CNTN3: variants seen among roughly 807,000 people sequenced by gnomAD.
CNTN3 encodes contactin 3.
A neutral mutation model predicts 119.1 loss-of-function variants in CNTN3; 60 were observed. That is an observed-to-expected ratio of 0.50 (90% CI 0.41 to 0.62). CNTN3 has a LOEUF of 0.62. Among genes scored for constraint, CNTN3 ranks in the 20% least tolerant of loss-of-function variants. CNTN3 has a pLI of 0.00. For synonymous variants in CNTN3, 450 were observed against 438.7 expected, an observed-to-expected ratio of 1.03 and a Z score of -0.32; for missense variants, 1,101 against 1,242.4, an observed-to-expected ratio of 0.89 and a Z score of 1.71.
chr3:74,388,492 A>C (rs986938629), intron 5 of CNTN3, among the ~76,000 whole-genome samples: 1 of 152,152 alleles, frequency 6.6e-6, no homozygotes, highest in Admixed American at 6.5e-5. Context: ...AAAAGGAAAA[A>C]CACAAACATA....
At chr3:74,417,725 ATATTTTAT>A (rs1188278807) in intron 5 of CNTN3, among the ~76,000 whole-genome samples, 5 of 152,212 alleles carry the variant, frequency 3.3e-5, no homozygotes, top group African/African-American at 1.2e-4. Flanking sequence ...AGAGATCAAA[ATATTTTAT>A]AGTTATCCAT....
intron 1 of CNTN3, among the ~76,000 whole-genome samples, chr3:74,567,096 C>T (rs1704237788): frequency 6.6e-6 from 1 of 152,010 alleles, no homozygotes; most frequent in Admixed American, 6.6e-5. Context: ...CAAGGGGCCA[C>T]ATAATGCGTC....
chr3:74,341,424 C>A, intron 11 of CNTN3, among the ~76,000 whole-genome samples: 1 of 152,086 alleles, frequency 6.6e-6, no homozygotes, highest in Admixed American at 6.5e-5. Context: ...TGTCTTGGCA[C>A]AAAACGTTAA....
intron 5 of CNTN3, among the ~76,000 whole-genome samples, chr3:74,388,169 T>C (rs1704803893): frequency 1.3e-5 from 2 of 152,124 alleles, no homozygotes; most frequent in African/African-American, 4.8e-5. Context: ...ATCATCCTAG[T>C]GTTTCTCAAA....
At chr3:74,289,590 A>G (rs1023027535) in intron 19 of CNTN3, among the ~76,000 whole-genome samples, 1 of 152,116 alleles carries the variant, frequency 6.6e-6, no homozygotes, top group Non-Finnish European at 1.5e-5. Flanking sequence ...AAAGCCCAAT[A>G]TTCAAAACAG....
intron 5 of CNTN3, among the ~76,000 whole-genome samples, chr3:74,387,714 C>T (rs950410582): frequency 2.5e-4 from 38 of 152,208 alleles, no homozygotes; most frequent in African/African-American, 8.9e-4. Flanking sequence ...GGAAATATCT[C>T]ATCACCTCCC....
At chr3:74,358,875 C>A (rs1011255944) in intron 11 of CNTN3, among the ~76,000 whole-genome samples, 1 of 149,380 alleles carries the variant, frequency 6.7e-6, no homozygotes, top group South Asian at 2.1e-4. Flanking sequence ...GTTTTTTGTT[C>A]TTGCGATAGT....
intron 20 of CNTN3, 40 bp downstream of exon 20, chr3:74,285,258 ATGCAAAC>A (rs1444341622): frequency 1.3e-6 from 2 of 1,530,318 alleles, no homozygotes; most frequent in Non-Finnish European, 1.8e-6. Context: ...ATCCTTTTTA[ATGCAAAC>A]TATTTTCCGT....
Position 74,424,474 on chromosome 3 carries a change from C to CAG in CNTN3, c.454+369_454+370dup, listed in dbSNP as rs71625974. ...TAAGCTTGTGTGTGTGTGTGTGTGA[C>CAG]AGAGAGAGAGAGAGAGAGAGAGAAA... On this transcript the variant is annotated intron_variant, in intron 5 of 22. Transcript: ENST00000263665. Among the ~76,000 whole-genome samples, 959 of 142,430 alleles carry CAG rather than the reference C, an allele frequency of 6.7e-3. 5 individuals carry two copies. The highest frequency in any genetic ancestry group is 0.02 in the African/African-American group (765 of 39,128). 93.4% of individuals were successfully genotyped at this position (142,430 alleles called of 152,430 possible). A position where few individuals can be genotyped will look rare whatever the true frequency, so the allele number is the denominator to read the frequency against.
intron 4 of CNTN3, among the ~76,000 whole-genome samples, chr3:74,456,988 A>G (rs941392960): frequency 2.0e-5 from 3 of 152,090 alleles, no homozygotes; most frequent in South Asian, 4.1e-4. Context: ...TAAACACAAA[A>G]TTCTAAAAGT....
rs1447686332 is a variant in CNTN3 at position 74,366,780 on chromosome 3, G to GTGTGTGTA, written c.947-1079_947-1078insTACACACA. Among the ~76,000 whole-genome samples, 18 of 63,704 alleles carry GTGTGTGTA rather than the reference G, an allele frequency of 2.8e-4. 1 individual carries two copies. Among genetic ancestry groups the GTGTGTGTA allele is most frequent in the Admixed American group, 1.5e-3 (8 of 5,270 alleles). The allele number at this position is 63,704 out of a possible 152,430, so 41.8% of individuals were successfully genotyped here. ...TGTGCGTGTGTGTGTGTGTGTGTGT[G>GTGTGTGTA]TATATATATATATATATATATATAT... On this transcript the variant is annotated intron_variant, in intron 8 of 22. Transcript: ENST00000263665.
At chr3:74,432,826 C>T (rs964913644) in intron 4 of CNTN3, among the ~76,000 whole-genome samples, 1 of 152,132 alleles carries the variant, frequency 6.6e-6, no homozygotes, top group Non-Finnish European at 1.5e-5. Context: ...TCTTGCTGGT[C>T]CAATTCTCAA....
At position 74,598,199 on chromosome 3, in the gene CNTN3, C is replaced by G. The variant is rs563518306; in HGVS notation, c.-81+16192G>C. On this transcript the variant is annotated intron_variant, in intron 1 of 22. Transcript: ENST00000263665. Reference sequence around the variant, plus strand: ...CCCAGACTTAGACTTAAGAGATTTTCCAGCTTCCACCTTCCCTCTCTTGGA... The same window carrying G: ...CCCAGACTTAGACTTAAGAGATTTTGCAGCTTCCACCTTCCCTCTCTTGGA... Among the ~76,000 whole-genome samples, 15 of 152,100 alleles carry G rather than the reference C, an allele frequency of 9.9e-5. No homozygotes were observed. The Middle Eastern group carries it at 0.01, about 103-fold the overall frequency.
chr3:74,557,660 G>A (rs775940558), intron 1 of CNTN3, among the ~76,000 whole-genome samples: 1 of 148,036 alleles, frequency 6.8e-6, no homozygotes. Flanking sequence ...AGCCAGACAC[G>A]ATTAAGTTTT....
intron 20 of CNTN3, among the ~76,000 whole-genome samples, chr3:74,273,990 G>A (rs1417068502): frequency 6.6e-6 from 1 of 152,074 alleles, no homozygotes; most frequent in Non-Finnish European, 1.5e-5. Context: ...GAGTGAGACT[G>A]GCCCTTTGGA....
At chr3:74,336,791 T>C in intron 11 of CNTN3, 133 bp from the exon 12 acceptor site, 1 of 608,278 alleles carries the variant, frequency 1.6e-6, no homozygotes, top group Non-Finnish European at 2.6e-6. Flanking sequence ...CTTAGCTTTT[T>C]GGGAATACAA....
chr3:74,414,892 T>G (rs1701495274), intron 5 of CNTN3, among the ~76,000 whole-genome samples: 1 of 149,472 alleles, frequency 6.7e-6, no homozygotes, highest in South Asian at 2.1e-4. Flanking sequence ...TTTTTTTTTT[T>G]TTTTTGACCA....
At chr3:74,269,471 A>G (rs1471472254) in intron 20 of CNTN3, among the ~76,000 whole-genome samples, 1 of 152,152 alleles carries the variant, frequency 6.6e-6, no homozygotes, top group Non-Finnish European at 1.5e-5. Context: ...CGTCTATAAT[A>G]TGTTAGGGAT....
At chr3:74,426,481 G>C (rs895742003) in intron 4 of CNTN3, among the ~76,000 whole-genome samples, 1 of 152,082 alleles carries the variant, frequency 6.6e-6, no homozygotes, top group Non-Finnish European at 1.5e-5. Context: ...TAGACACTTA[G>C]GGATACTCTA....
Sources: allele counts gnomAD v4.1 joint callset (sites outside exome capture counted in the v4.1 genomes callset), GRCh38; gene constraint gnomAD v4.1.1; transcripts MANE v1.5; gene names NCBI Gene and HGNC (gene_info 2026-07-23, HGNC 2026-07-21).